CDC42BPB: variants seen among roughly 807,000 people sequenced by gnomAD.
The protein encoded by CDC42BPB is CDC42 binding protein kinase beta.
Under a neutral mutation model 214.9 loss-of-function variants are expected in CDC42BPB, and 37 were observed. The observed-to-expected ratio is 0.17, with a 90% CI of 0.13 to 0.23. CDC42BPB has a LOEUF of 0.23. Ranked by LOEUF, CDC42BPB falls within the 10% of genes least tolerant of loss-of-function variation. The pLI is 1.00. For missense variants in CDC42BPB, 1,694 were observed against 2,227.0 expected (o/e 0.76, Z 4.82); for synonymous variants, 931 against 884.0 (o/e 1.05, Z -0.94).
chr14:103,002,595 G>A (rs1411956436), intron 4 of CDC42BPB, among the ~76,000 whole-genome samples: 2 of 152,146 alleles, frequency 1.3e-5, no homozygotes, highest in African/African-American at 4.8e-5. Flanking sequence ...CTGGGAGCAG[G>A]GACACTGAGC....
At chr14:102,991,741 G>C (rs1208399854) in intron 5 of CDC42BPB, among the ~76,000 whole-genome samples, 1 of 152,138 alleles carries the variant, frequency 6.6e-6, no homozygotes, top group Non-Finnish European at 1.5e-5. Flanking sequence ...GGTGCTTTTT[G>C]TACCGTTCTT....
At chr14:102,964,406 T>C in intron 19 of CDC42BPB, 96 bp downstream of exon 19, 1 of 1,457,920 alleles carries the variant, frequency 6.9e-7, no homozygotes, top group Non-Finnish European at 9.3e-7. Context: ...GCCCCGATTT[T>C]CCAGGCGAGG....
chr14:103,007,035 C>T (rs941960891), intron 3 of CDC42BPB, among the ~76,000 whole-genome samples: 14 of 152,118 alleles, frequency 9.2e-5, no homozygotes, highest in Admixed American at 9.2e-4. Context: ...GCAGGCCCAG[C>T]GGAAGCACAC....
chr14:103,039,790 T>C (rs1052093616), intron 1 of CDC42BPB, among the ~76,000 whole-genome samples: 6 of 152,074 alleles, frequency 3.9e-5, no homozygotes, highest in Admixed American at 6.6e-5. Flanking sequence ...CAAAAAGAAA[T>C]TAAAGGTATC....
intron 21 of CDC42BPB, among the ~76,000 whole-genome samples, 170 bp downstream of exon 21, chr14:102,959,461 G>A (rs1168327286): frequency 6.6e-6 from 1 of 152,146 alleles, no homozygotes; most frequent in East Asian, 1.9e-4. Context: ...TGCGTTTAAT[G>A]TGGGTTGATT....
At chr14:103,031,992 T>TA (rs200667056) in intron 1 of CDC42BPB, among the ~76,000 whole-genome samples, 27 of 137,892 alleles carry the variant, frequency 2.0e-4, no homozygotes, top group Non-Finnish European at 3.4e-4. Flanking sequence ...TTATTATTAT[T>TA]TTTTTTTTTT....
intron 1 of CDC42BPB, among the ~76,000 whole-genome samples, chr14:103,034,375 A>G (rs1887551756): frequency 6.6e-6 from 1 of 152,240 alleles, no homozygotes; most frequent in Non-Finnish European, 1.5e-5. Context: ...CATTTAAAAA[A>G]CAGTAAAAAT....
At chr14:103,043,947 T>C (rs978679688) in intron 1 of CDC42BPB, among the ~76,000 whole-genome samples, 7 of 152,232 alleles carry the variant, frequency 4.6e-5, no homozygotes, top group Admixed American at 4.6e-4. Context: ...TAAAACCATG[T>C]CAATGTCTGA....
rs1194977739 is a variant in CDC42BPB, at chr14:102,944,188, C to A, written c.4111G>T (p.Val1371Leu). Reference sequence around the variant, plus strand: ...AGGCACTGCACGCTGCCGGGAGCCACAATCTCATTGAACTTTCTGTGGAAT... The same window carrying A: ...AGGCACTGCACGCTGCCGGGAGCCAAAATCTCATTGAACTTTCTGTGGAAT... ...KPFHRKFNEIVAPGSVQCLAV... is the reference protein window; with the variant it reads ...KPFHRKFNEILAPGSVQCLAV... Residue 1371 changes from valine to leucine, a missense_variant, in exon 30 of 37, where the codon GTG becomes TTG. Around this residue, in one of 7 missense-constraint regions of CDC42BPB, gnomAD observed 567 missense variants for 790.3 expected, o/e 0.72. Coordinates refer to ENST00000361246, the MANE Select transcript of CDC42BPB (RefSeq NM_006035.4). The surrounding 1 kb of genome is among the most constrained non-coding windows in gnomAD (Gnocchi z 6.6). 1 of 1,613,252 alleles carries A rather than the reference C, an allele frequency of 6.2e-7. No homozygotes were observed. Among genetic ancestry groups the A allele is most frequent in the African/African-American group, 1.3e-5 (1 of 74,946 alleles).
chr14:102,959,272 G>C (rs1036077372), intron 21 of CDC42BPB, among the ~76,000 whole-genome samples: 1 of 145,060 alleles, frequency 6.9e-6, no homozygotes, highest in Non-Finnish European at 1.5e-5. Context: ...ACTCCAGCCT[G>C]GGTGACAGAG....
chr14:102,948,160 G>GA, intron 26 of CDC42BPB, among the ~76,000 whole-genome samples: 1 of 17,872 alleles, frequency 5.6e-5, no homozygotes, highest in Non-Finnish European at 1.1e-4. Flanking sequence ...GTGGAAGTGA[G>GA]GGGGGAGTGG....
intron 23 of CDC42BPB, among the ~76,000 whole-genome samples, chr14:102,953,587 C>T (rs751737916): frequency 2.0e-5 from 3 of 152,208 alleles, no homozygotes; most frequent in South Asian, 2.1e-4. Context: ...GCTACGTACT[C>T]GCAATGCTTG....
At chr14:102,952,939 T>C (rs1892552988) in intron 23 of CDC42BPB, among the ~76,000 whole-genome samples, 1 of 152,224 alleles carries the variant, frequency 6.6e-6, no homozygotes, top group Non-Finnish European at 1.5e-5. Context: ...CAGCACCAAC[T>C]GGCTCTTGGG....
rs1359639890 is a variant in CDC42BPB, at chr14:103,020,282, A to G, written c.176-8094T>C. 2.6e-5 allele frequency among the ~76,000 whole-genome samples: 4 copies of G among 152,238 alleles called. No homozygotes were observed. The East Asian group carries it at 7.7e-4, about 29-fold the overall frequency. Reference sequence around the variant, plus strand: ...GGGCCCCAATGGCCAAGCAACATGCAGAGGACACAAGGGACAGACGTCTCG... The same window carrying G: ...GGGCCCCAATGGCCAAGCAACATGCGGAGGACACAAGGGACAGACGTCTCG... On this transcript the variant is annotated intron_variant, in intron 1 of 36. Coordinates refer to ENST00000361246, the MANE Select transcript of CDC42BPB (RefSeq NM_006035.4).
chr14:103,037,275 A>G (rs1344919174), intron 1 of CDC42BPB, among the ~76,000 whole-genome samples: 3 of 152,094 alleles, frequency 2.0e-5, no homozygotes, highest in African/African-American at 7.2e-5. Flanking sequence ...TACTGCTTAA[A>G]TTTATTTTAT....
intron 1 of CDC42BPB, among the ~76,000 whole-genome samples, chr14:103,043,691 GA>G (rs1285265272): frequency 6.6e-6 from 1 of 151,530 alleles, no homozygotes; most frequent in Non-Finnish European, 1.5e-5. Flanking sequence ...AAAAAAAAAG[GA>G]AAAAAATTAT....
In CDC42BPB at chr14:102,954,661, G is replaced by T. The variant is rs373015493; in HGVS notation, c.2929C>A (p.Gln977Lys). Residue 977 changes from glutamine to lysine, a missense_variant, in exon 22 of 37, where the codon CAA becomes AAA. Gln to Lys is a moderately conservative substitution (Grantham distance 53, BLOSUM62 1). Coordinates refer to ENST00000361246, the MANE Select transcript of CDC42BPB (RefSeq NM_006035.4). ...RTSSASEQET[Q>K]APKPEASPSM... ...GGGGACGCTTCTGGCTTCGGAGCTT[G>T]TGTTTCTTGCTCACTAGCTGAGCTG... 6.8e-6 allele frequency: 11 copies of T among 1,613,950 alleles called. No individual in the cohort carries two copies. The highest frequency in any genetic ancestry group is 9.3e-6 in the Non-Finnish European group (11 of 1,179,926).
intron 6 of CDC42BPB, among the ~76,000 whole-genome samples, chr14:102,984,502 G>A (rs1443367205): frequency 1.3e-5 from 2 of 152,068 alleles, no homozygotes; most frequent in African/African-American, 2.4e-5. Flanking sequence ...GGCTAAGACC[G>A]CTCCTACCCC....
chr14:102,990,070 G>A (rs1411793237), intron 5 of CDC42BPB, among the ~76,000 whole-genome samples: 4 of 152,164 alleles, frequency 2.6e-5, no homozygotes, highest in Non-Finnish European at 5.9e-5. Flanking sequence ...AAGGGGCGAC[G>A]CTTCTGAGTA....
Sources: gnomAD v4.1 joint callset for allele counts (sites outside exome capture counted in the v4.1 genomes callset) on GRCh38, gnomAD v4.1.1 for gene constraint, gnomAD v4.1.1 regional missense constraint, Gnocchi (gnomAD v3.1) non-coding constraint, MANE v1.5 for transcripts, NCBI Gene and HGNC (gene_info 2026-07-23, HGNC 2026-07-21) for gene names.